PPARGC1A: variants seen among roughly 807,000 people sequenced by gnomAD.
PPARGC1A encodes PPARG coactivator 1 alpha.
In PPARGC1A, 25 loss-of-function variants were observed where a neutral mutation model predicts 88.7. That is an observed-to-expected ratio of 0.28 (90% confidence interval 0.21 to 0.39). The LOEUF is 0.39. Ranked by LOEUF, PPARGC1A falls within the 10% of genes least tolerant of loss-of-function variation. The probability of loss-of-function intolerance (pLI) is 1.00; values close to 1 mark genes in which losing one functional copy is unlikely to be tolerated. For synonymous variants in PPARGC1A, 363 were observed against 355.6 expected, an observed-to-expected ratio of 1.02 and a Z score of -0.24; for missense variants, 880 against 968.7, an observed-to-expected ratio of 0.91 and a Z score of 1.22.
At chr4:24,412,550 C>T in the PPARGC1A span, among the ~76,000 whole-genome samples, 46 of 152,186 alleles carry the variant, frequency 3.0e-4, no homozygotes, top group African/African-American at 6.0e-4. Flanking sequence ...GCTCAATCTC[C>T]GCTCACTGCA....
At chr4:23,899,658 A>C (rs1719052843), upstream of PPARGC1A, among the ~76,000 whole-genome samples, 1 of 152,214 alleles carries the variant, frequency 6.6e-6, no homozygotes, top group African/African-American at 2.4e-5. Flanking sequence ...AAAGGAAGCC[A>C]GACACACATA....
the PPARGC1A span, among the ~76,000 whole-genome samples, chr4:24,192,444 C>T: frequency 5.3e-5 from 8 of 152,166 alleles, no homozygotes; most frequent in Non-Finnish European, 8.8e-5. Flanking sequence ...TTTAGCTGAA[C>T]GGAAGACCCT....
the PPARGC1A span, among the ~76,000 whole-genome samples, chr4:23,927,610 C>A: frequency 2.1e-3 from 316 of 152,244 alleles, 3 homozygotes; most frequent in African/African-American, 7.3e-3. Flanking sequence ...AAACACTGTT[C>A]TAGGTGCTTT....
At chr4:24,062,223 G>C in the PPARGC1A span, among the ~76,000 whole-genome samples, 7 of 152,198 alleles carry the variant, frequency 4.6e-5, no homozygotes, top group Non-Finnish European at 8.8e-5. Context: ...AGGATGCCCT[G>C]CATGTGACAA....
chr4:24,276,278 T>C, the PPARGC1A span, among the ~76,000 whole-genome samples: 2 of 152,252 alleles, frequency 1.3e-5, no homozygotes, highest in Admixed American at 1.3e-4. Context: ...CAAAGTCACA[T>C]TGTCAGAAAA....
chr4:23,991,099 G>A, the PPARGC1A span, among the ~76,000 whole-genome samples: 6 of 152,086 alleles, frequency 3.9e-5, no homozygotes, highest in African/African-American at 1.4e-4. Flanking sequence ...TAACCAGGTG[G>A]GAAGGCCCTT....
chr4:24,208,233 T>A, the PPARGC1A span, among the ~76,000 whole-genome samples: 1 of 151,862 alleles, frequency 6.6e-6, no homozygotes, highest in Non-Finnish European at 1.5e-5. Context: ...CAGTGAGCTA[T>A]GAACATCCCA....
At chr4:24,300,225 T>A in the PPARGC1A span, among the ~76,000 whole-genome samples, 2 of 151,546 alleles carry the variant, frequency 1.3e-5, no homozygotes, top group Admixed American at 6.6e-5. Context: ...TTTTTATATA[T>A]AAGACCTCAT....
chr4:23,973,298 C>A, the PPARGC1A span, among the ~76,000 whole-genome samples: 1 of 152,192 alleles, frequency 6.6e-6, no homozygotes, highest in South Asian at 2.1e-4. Context: ...TCCTCAGGTG[C>A]CTGGTCTTGG....
chr4:24,245,317 C>G, the PPARGC1A span, among the ~76,000 whole-genome samples: 1 of 152,180 alleles, frequency 6.6e-6, no homozygotes, highest in Non-Finnish European at 1.5e-5. Context: ...TATTTTAGGC[C>G]TGGTCAGATA....
chr4:24,164,171 A>G, the PPARGC1A span, among the ~76,000 whole-genome samples: 1 of 152,186 alleles, frequency 6.6e-6, no homozygotes, highest in Non-Finnish European at 1.5e-5. Context: ...AAATAAACTG[A>G]CTTAAACAGG....
the PPARGC1A span, among the ~76,000 whole-genome samples, chr4:23,940,733 T>C: frequency 6.6e-6 from 1 of 152,048 alleles, no homozygotes; most frequent in East Asian, 1.9e-4. Context: ...AACTGTCTTG[T>C]TCTCTGGGCT....
chr4:23,865,531 G>C (rs1270766193), intron 2 of PPARGC1A, among the ~76,000 whole-genome samples: 3 of 152,252 alleles, frequency 2.0e-5, no homozygotes, highest in Non-Finnish European at 2.9e-5. Context: ...CATGGTGTCT[G>C]GGACACAGTA....
At chr4:24,164,770 G>T in the PPARGC1A span, among the ~76,000 whole-genome samples, 1 of 152,126 alleles carries the variant, frequency 6.6e-6, no homozygotes, top group South Asian at 2.1e-4. Flanking sequence ...TCTTTGCTTT[G>T]TTCCTGGTGC....
the PPARGC1A span, among the ~76,000 whole-genome samples, chr4:24,243,013 C>A: frequency 6.7e-4 from 102 of 152,136 alleles, no homozygotes; most frequent in Non-Finnish European, 1.3e-3. Context: ...TTCCTCATTG[C>A]AATTATATTT....
the PPARGC1A span, among the ~76,000 whole-genome samples, chr4:24,200,671 A>AAAAAAAAAAAAAAAT: frequency 1.4e-5 from 2 of 146,532 alleles, no homozygotes; most frequent in Non-Finnish European, 1.5e-5. Context: ...AAAAAAAAAA[A>AAAAAAAAAAAAAAAT]CTCCAGTAGA....
chr4:24,123,445 C>T, the PPARGC1A span, among the ~76,000 whole-genome samples: 1 of 152,106 alleles, frequency 6.6e-6, no homozygotes, highest in Non-Finnish European at 1.5e-5. Context: ...TCACTATAGC[C>T]TTATTCATTG....
At chr4:24,277,390 G>C in the PPARGC1A span, among the ~76,000 whole-genome samples, 1 of 152,092 alleles carries the variant, frequency 6.6e-6, no homozygotes, top group African/African-American at 2.4e-5. Flanking sequence ...GCCCCCAACT[G>C]TTTCCCAAGC....
chr4:24,308,040 C>T, the PPARGC1A span, among the ~76,000 whole-genome samples: 1 of 151,760 alleles, frequency 6.6e-6, no homozygotes, highest in Admixed American at 6.6e-5. Flanking sequence ...GCCTGTAACC[C>T]CAGAACTTTG....
Sources: allele counts gnomAD v4.1 joint callset (sites outside exome capture counted in the v4.1 genomes callset), GRCh38; gene constraint gnomAD v4.1.1; transcripts MANE v1.5; gene names NCBI Gene and HGNC (gene_info 2026-07-23, HGNC 2026-07-21).